FAM13A: variants seen among roughly 807,000 people sequenced by gnomAD.
The protein encoded by FAM13A is protein FAM13A.
In FAM13A, 76 loss-of-function variants were observed where a neutral mutation model predicts 129.6. The ratio of observed to expected loss-of-function variants is 0.59; its 90% CI spans 0.49 to 0.71. The LOEUF is 0.71. Among genes scored for constraint, FAM13A ranks in the 30% least tolerant of loss-of-function variants. The pLI, the probability that FAM13A is intolerant of heterozygous loss-of-function variation, is 0.00. For missense variants in FAM13A, 1,108 were observed against 1,249.3 expected (o/e 0.89, Z 1.70); for synonymous variants, 443 against 449.9 (o/e 0.98, Z 0.20).
intron 3 of FAM13A, among the ~76,000 whole-genome samples, chr4:89,005,010 A>G (rs988451116): frequency 1.3e-5 from 2 of 151,736 alleles, no homozygotes; most frequent in African/African-American, 2.4e-5. Context: ...TTATTTAGTC[A>G]CCCAGATATT....
intron 1 of FAM13A, among the ~76,000 whole-genome samples, chr4:89,038,375 A>G (rs1200804043): frequency 6.6e-6 from 1 of 152,220 alleles, no homozygotes; most frequent in Non-Finnish European, 1.5e-5. Flanking sequence ...CAAGGAATGT[A>G]TAAGATAGAA....
At chr4:88,733,079 C>T (rs141816154) in intron 21 of FAM13A, among the ~76,000 whole-genome samples, 4 of 152,208 alleles carry the variant, frequency 2.6e-5, no homozygotes, top group Non-Finnish European at 5.9e-5. Flanking sequence ...AATACAGCCA[C>T]ATAAAAAATG....
At chr4:88,818,449 T>C (rs1194891597) in intron 7 of FAM13A, among the ~76,000 whole-genome samples, 2 of 152,220 alleles carry the variant, frequency 1.3e-5, no homozygotes, top group Admixed American at 6.5e-5. Context: ...GATGGCAAGT[T>C]TACCACTGGT....
intron 8 of FAM13A, 68 bp from the exon 9 acceptor site, chr4:88,790,695 A>C: frequency 7.2e-7 from 1 of 1,393,192 alleles, no homozygotes; most frequent in African/African-American, 1.4e-5. Context: ...CAAACATGTG[A>C]AGTGGATCGC....
intron 11 of FAM13A, among the ~76,000 whole-genome samples, chr4:88,779,769 T>C (rs1722501575): frequency 6.6e-6 from 1 of 152,228 alleles, no homozygotes; most frequent in Non-Finnish European, 1.5e-5. Flanking sequence ...AATGTACTTT[T>C]CCACTTCTAT....
chr4:88,945,984 GTGTGTGTATA>G (rs1337504263), intron 4 of FAM13A, among the ~76,000 whole-genome samples: 20 of 25,882 alleles, frequency 7.7e-4, no homozygotes, highest in African/African-American at 3.4e-3. Flanking sequence ...GTGTGTGTGT[GTGTGTGTATA>G]TATATATATA....
intron 3 of FAM13A, among the ~76,000 whole-genome samples, chr4:89,004,169 C>T (rs2178586): frequency 0.54 from 82,173 of 152,012 alleles, 22,781 homozygotes; most frequent in Middle Eastern, 0.7. Context: ...GATGGAGTCT[C>T]ATTTTGTTGC....
intron 8 of FAM13A, among the ~76,000 whole-genome samples, chr4:88,794,303 T>C (rs1725739182): frequency 6.6e-6 from 1 of 151,998 alleles, no homozygotes; most frequent in Admixed American, 6.6e-5. Context: ...AATATTCTAT[T>C]GGCATGGTCA....
intron 13 of FAM13A, among the ~76,000 whole-genome samples, chr4:88,765,368 G>A (rs1330820060): frequency 6.6e-6 from 1 of 152,142 alleles, no homozygotes; most frequent in African/African-American, 2.4e-5. Flanking sequence ...TCAATAGCGG[G>A]CATGTAAAAT....
At chr4:88,821,998 T>C (rs1732025757) in intron 7 of FAM13A, among the ~76,000 whole-genome samples, 2 of 152,210 alleles carry the variant, frequency 1.3e-5, no homozygotes, top group Admixed American at 6.5e-5. Flanking sequence ...GAAATATTTG[T>C]GGCATGGTTT....
At chr4:88,923,154 T>C (rs528781337) in intron 5 of FAM13A, among the ~76,000 whole-genome samples, 5 of 152,216 alleles carry the variant, frequency 3.3e-5, no homozygotes, top group African/African-American at 1.2e-4. Context: ...CTTCTGAAAC[T>C]ATTCCAATCA....
In FAM13A at chr4:88,860,089, C is replaced by G. The variant is rs1739236609; in HGVS notation, c.844-8906G>C. 2.0e-5 allele frequency among the ~76,000 whole-genome samples: 3 copies of G among 152,238 alleles called. No homozygotes were observed. The East Asian group carries it at 5.8e-4, about 29-fold the overall frequency. On this transcript the variant is annotated intron_variant, in intron 6 of 23. Transcript: ENST00000264344. Reference sequence around the variant, plus strand: ...TAAAACTATAGCTAGTTTTTCCTTACAGGTTTCTTTATATTTAAGTGGACC... The same window carrying G: ...TAAAACTATAGCTAGTTTTTCCTTAGAGGTTTCTTTATATTTAAGTGGACC...
At chr4:88,863,814 A>G (rs1739927541) in intron 6 of FAM13A, among the ~76,000 whole-genome samples, 1 of 152,300 alleles carries the variant, frequency 6.6e-6, no homozygotes, top group East Asian at 1.9e-4. Context: ...AATGGGATAA[A>G]GGGATGTGAG....
rs35715502 is a variant in FAM13A, at chr4:88,886,907, C to CAA, written c.843+19470_843+19471dup. On this transcript the variant is annotated intron_variant, in intron 6 of 23. Coordinates refer to ENST00000264344, the MANE Select transcript of FAM13A (RefSeq NM_014883.4). ...GGGCCACAAGAGTGAAACTCTATCTCAAAAAAAAAAAGAAAGAAATTATGA... is the reference window on the plus strand; with the variant it reads ...GGGCCACAAGAGTGAAACTCTATCTCAAAAAAAAAAAAAGAAAGAAATTATGA... Among the ~76,000 whole-genome samples, 181 of 145,160 alleles carry CAA rather than the reference C, an allele frequency of 1.2e-3. 5 individuals are homozygous for CAA. In the South Asian group the frequency reaches 0.022, roughly 18 times the overall value.
intron 21 of FAM13A, chr4:88,736,668 G>C (rs533315803): frequency 6.6e-6 from 1 of 152,084 alleles, no homozygotes; most frequent in African/African-American, 2.4e-5. Context: ...ACAAAAACAT[G>C]AAAGAGGCTG....
intron 4 of FAM13A, among the ~76,000 whole-genome samples, chr4:88,967,888 C>G (rs76099682): frequency 0.012 from 1,840 of 152,246 alleles, 55 homozygotes; most frequent in African/African-American, 0.042. Context: ...CCGGGTATCA[C>G]GTCTCTTAAA....
At chr4:88,754,731 T>C (rs1462960813) in intron 14 of FAM13A, among the ~76,000 whole-genome samples, 1 of 152,224 alleles carries the variant, frequency 6.6e-6, no homozygotes, top group East Asian at 1.9e-4. Context: ...TCAATTAGTC[T>C]TGTTAACCAA....
chr4:88,980,456 C>T (rs867624926), intron 4 of FAM13A, among the ~76,000 whole-genome samples: 8 of 152,264 alleles, frequency 5.3e-5, no homozygotes, highest in Middle Eastern at 3.4e-3. Context: ...GTAGGATTGC[C>T]AGCACAGAAC....
chr4:88,768,150 A>C, intron 11 of FAM13A, 91 bp from the exon 12 acceptor site: 1 of 661,116 alleles, frequency 1.5e-6, no homozygotes, highest in Non-Finnish European at 2.7e-6. Context: ...AAATCAAATA[A>C]TATGTATATA....
Sources: gnomAD v4.1 joint callset for allele counts (sites outside exome capture counted in the v4.1 genomes callset) on GRCh38, gnomAD v4.1.1 for gene constraint, MANE v1.5 for transcripts, NCBI Gene and HGNC (gene_info 2026-07-23, HGNC 2026-07-21) for gene names.